Variants in KCNQ1 observed in about 807,000 individuals in gnomAD.
The protein encoded by KCNQ1 is potassium voltage-gated channel subfamily KQT member 1.
In KCNQ1, 49 loss-of-function variants were observed where a neutral mutation model predicts 72.4. The ratio of observed to expected loss-of-function variants is 0.68; its 90% CI spans 0.54 to 0.86. The LOEUF is 0.86. KCNQ1 is among the 40% of genes least tolerant of loss of function. KCNQ1 has a pLI of 0.00. For missense variants in KCNQ1, 790 were observed against 945.1 expected (o/e 0.84, Z 2.15); for synonymous variants, 450 against 412.6 (o/e 1.09, Z -1.10).
At chr11:2,675,322 G>C (rs1254097604) in intron 11 of KCNQ1, 5 of 398,468 alleles carry the variant, frequency 1.3e-5, no homozygotes, top group Non-Finnish European at 1.8e-5. Flanking sequence ...AAAGTGGGAT[G>C]GGATCTAAGT....
chr11:2,461,181 A>T (rs1846271879), intron 1 of KCNQ1, among the ~76,000 whole-genome samples: 1 of 151,930 alleles, frequency 6.6e-6, no homozygotes, highest in South Asian at 2.1e-4. Context: ...CGACCTGGTG[A>T]TGGGTCAGGT....
chr11:2,545,553 TA>T (rs1208796407), intron 2 of KCNQ1, among the ~76,000 whole-genome samples: 1 of 152,234 alleles, frequency 6.6e-6, no homozygotes, highest in Non-Finnish European at 1.5e-5. Flanking sequence ...TTGATAATTA[TA>T]TTCAGGTGAT....
chr11:2,566,827 C>T lies in KCNQ1; in HGVS notation c.478-3801C>T, dbSNP rs184597788. Among the ~76,000 whole-genome samples, 8 of 152,080 alleles carry T rather than the reference C, an allele frequency of 5.3e-5. No homozygotes were observed. Among genetic ancestry groups the T allele is most frequent in the African/African-American group, 1.2e-4 (5 of 41,390 alleles). On this transcript the variant is annotated intron_variant, in intron 2 of 15. Transcript: ENST00000155840. This position sits in a 1 kb window ranked among gnomAD's most constrained non-coding sequence, Gnocchi z 6.7. ...TTGTGGGGCTGGATGATCCTGGGTG[C>T]CCCTCAGAGAAGGCCCTGGGGCTGG... is the stretch of plus-strand genomic sequence containing the variant.
At chr11:2,614,475 A>G (rs910929265) in intron 10 of KCNQ1, 1 of 398,308 alleles carries the variant, frequency 2.5e-6, no homozygotes, top group East Asian at 3.6e-5. Context: ...AGTCATAAAG[A>G]TTTACTCCTG....
At position 2,509,455 on chromosome 11, in the gene KCNQ1, G is replaced by A. The variant is rs985139117; in HGVS notation, c.387-18473G>A. ...CTGGGAGGCTGGGTCTGTGCTGTGT[G>A]GGGGGTGTTTGGTGTCCTAGGAGGA... On this transcript the variant is annotated intron_variant, in intron 1 of 15. Transcript: ENST00000155840. This position sits in a 1 kb window ranked among gnomAD's most constrained non-coding sequence, Gnocchi z 6.3. Among the ~76,000 whole-genome samples, 2 of 152,100 alleles carry A rather than the reference G, an allele frequency of 1.3e-5. No homozygotes were observed. Among genetic ancestry groups the A allele is most frequent in the African/African-American group, 2.4e-5 (1 of 41,420 alleles).
intron 1 of KCNQ1, among the ~76,000 whole-genome samples, chr11:2,470,833 G>A (rs1846439774): frequency 2.0e-5 from 3 of 152,080 alleles, no homozygotes; most frequent in Admixed American, 6.5e-5. Context: ...GAGAGCAAAC[G>A]TTTTGACTTT....
intron 15 of KCNQ1, among the ~76,000 whole-genome samples, chr11:2,822,105 C>T (rs1296426523): frequency 6.6e-6 from 1 of 152,134 alleles, no homozygotes; most frequent in Admixed American, 6.5e-5. Flanking sequence ...GTGCTGCTGG[C>T]TTTGAAGACG....
Position 2,464,477 on chromosome 11 carries a change from G to A in KCNQ1, c.386+18993G>A, listed in dbSNP as rs1846323471. Among the ~76,000 whole-genome samples the A allele has an allele frequency of 6.6e-6, 1 of 152,162 alleles. No homozygotes were observed. Among genetic ancestry groups the A allele is most frequent in the Non-Finnish European group, 1.5e-5 (1 of 68,024 alleles). Reference sequence around the variant, plus strand: ...ATGAATTGAGTGTGATTTGACCTAGGAGAGTGCCGGGGTGGGGGCAGGTGC... The same window carrying A: ...ATGAATTGAGTGTGATTTGACCTAGAAGAGTGCCGGGGTGGGGGCAGGTGC... On this transcript the variant is annotated intron_variant, in intron 1 of 15. Coordinates refer to ENST00000155840, the MANE Select transcript of KCNQ1 (RefSeq NM_000218.3). This position sits in a 1 kb window ranked among gnomAD's most constrained non-coding sequence, Gnocchi z 5.0.
chr11:2,573,952 C>T (rs887828647), intron 6 of KCNQ1, among the ~76,000 whole-genome samples: 8 of 152,238 alleles, frequency 5.3e-5, no homozygotes, highest in Non-Finnish European at 8.8e-5. Flanking sequence ...GCTCAGAGGA[C>T]GCTGGCTGAG....
In KCNQ1 at chr11:2,647,816, T is replaced by C; in HGVS notation, c.1394-14145T>C. The C allele has an allele frequency of 2.5e-6, 1 of 398,596 alleles. No individual in the cohort carries two copies. The highest frequency in any genetic ancestry group is 2.1e-5 in the African/African-American group (1 of 48,752). The allele number at this position is 398,596 out of a possible 1,614,324, so 24.7% of individuals were successfully genotyped here. On this transcript the variant is annotated intron_variant, in intron 10 of 15. Transcript: ENST00000155840. This position sits in a 1 kb window ranked among gnomAD's most constrained non-coding sequence, Gnocchi z 4.0. ...TAATGGTCTCTAATAATCTTTTGTA[T>C]TTCTGTGGTGTCCATTGTAAGTCTC...
chr11:2,537,177 G>T lies in KCNQ1; in HGVS notation c.477+9159G>T, dbSNP rs560613325. 6.6e-6 allele frequency among the ~76,000 whole-genome samples: 1 copy of T among 152,060 alleles called. No homozygotes were observed. Among genetic ancestry groups the T allele is most frequent in the African/African-American group, 2.4e-5 (1 of 41,356 alleles). On this transcript the variant is annotated intron_variant, in intron 2 of 15. Transcript: ENST00000155840. The surrounding 1 kb of genome is among the most constrained non-coding windows in gnomAD (Gnocchi z 5.2). ...GGGTCTCCAAACCATGGCCCACAGG[G>T]TGGCTCCCTGTGTGTGTAAATAAAG...
intron 2 of KCNQ1, among the ~76,000 whole-genome samples, chr11:2,545,304 T>G (rs1847889407): frequency 6.6e-6 from 1 of 152,196 alleles, no homozygotes. Flanking sequence ...AGTTGGGAAG[T>G]GTTCTCTCTC....
rs764465781 is a variant in KCNQ1, at chr11:2,526,099, C to T, written c.387-1829C>T. 5.9e-5 allele frequency among the ~76,000 whole-genome samples: 9 copies of T among 152,184 alleles called. No homozygotes were observed. Among genetic ancestry groups the T allele is most frequent in the Non-Finnish European group, 1.3e-4 (9 of 68,038 alleles). On this transcript the variant is annotated intron_variant, in intron 1 of 15. Coordinates refer to ENST00000155840, the MANE Select transcript of KCNQ1 (RefSeq NM_000218.3). The surrounding 1 kb of genome is among the most constrained non-coding windows in gnomAD (Gnocchi z 6.1). ...GCTGGGCAGCAGCAGGTGCACGGGC[C>T]CTGAGGTGGGCCGGGCTGGGCACAG... is the stretch of plus-strand genomic sequence containing the variant.
chr11:2,457,223 A>G lies in KCNQ1; in HGVS notation c.386+11739A>G, dbSNP rs1291379640. Among the ~76,000 whole-genome samples, 2 of 152,184 alleles carry G rather than the reference A, an allele frequency of 1.3e-5. No individual in the cohort carries two copies. Among genetic ancestry groups the G allele is most frequent in the Non-Finnish European group, 2.9e-5 (2 of 68,032 alleles). On this transcript the variant is annotated intron_variant, in intron 1 of 15. Transcript: ENST00000155840. The surrounding 1 kb of genome is among the most constrained non-coding windows in gnomAD (Gnocchi z 5.0). Reference sequence around the variant, plus strand: ...GGGAGTGTAAATGAGTCCAGCCACCATGGAAGGCAGTTTGGAGATTTCCCA... The same window carrying G: ...GGGAGTGTAAATGAGTCCAGCCACCGTGGAAGGCAGTTTGGAGATTTCCCA...
intron 11 of KCNQ1, chr11:2,686,345 G>A: frequency 2.5e-6 from 1 of 398,744 alleles, no homozygotes; most frequent in Non-Finnish European, 4.4e-6. Flanking sequence ...CCAAGCTGGG[G>A]GAGGAGTATG....
At chr11:2,732,241 C>T (rs533393060) in intron 11 of KCNQ1, among the ~76,000 whole-genome samples, 1 of 152,326 alleles carries the variant, frequency 6.6e-6, no homozygotes, top group African/African-American at 2.4e-5. Context: ...TGGCACCTCT[C>T]ATGTGCTCCT....
Position 2,526,779 on chromosome 11 carries a change from G to T in KCNQ1, c.387-1149G>T, listed in dbSNP as rs1847516302. Among the ~76,000 whole-genome samples, 1 of 152,074 alleles carries T rather than the reference G, an allele frequency of 6.6e-6. No individual in the cohort carries two copies. The highest frequency in any genetic ancestry group is 2.4e-5 in the African/African-American group (1 of 41,390). ...GAGAGGCAATGCAGGGGGCCTTCTG[G>T]CTGTCCTGGGGTGGGTTAGAAGCCA... On this transcript the variant is annotated intron_variant, in intron 1 of 15. Coordinates refer to ENST00000155840, the MANE Select transcript of KCNQ1 (RefSeq NM_000218.3). This position sits in a 1 kb window ranked among gnomAD's most constrained non-coding sequence, Gnocchi z 6.1.
chr11:2,596,044 G>A (rs1482831797), intron 10 of KCNQ1, among the ~76,000 whole-genome samples: 1 of 152,204 alleles, frequency 6.6e-6, no homozygotes, highest in Non-Finnish European at 1.5e-5. Context: ...AAAACTGCAA[G>A]AGAACTAGAA....
At chr11:2,610,244 C>T (rs1260049573) in intron 10 of KCNQ1, 1 of 397,694 alleles carries the variant, frequency 2.5e-6, no homozygotes, top group Non-Finnish European at 4.4e-6. Context: ...TTATATTAAT[C>T]CTGGTGAGAT....
Sources: allele counts gnomAD v4.1 joint callset (sites outside exome capture counted in the v4.1 genomes callset), GRCh38; gene constraint gnomAD v4.1.1; non-coding constraint Gnocchi (gnomAD v3.1); transcripts MANE v1.5; gene names NCBI Gene and HGNC (gene_info 2026-07-23, HGNC 2026-07-21).